The following FKBP15 variants were observed in gnomAD, a reference collection of about 807,000 sequenced individuals.
The protein encoded by FKBP15 is FKBP prolyl isomerase family member 15.
Under a neutral mutation model 158.1 loss-of-function variants are expected in FKBP15, and 106 were observed. That is an observed-to-expected ratio of 0.67 (90% CI 0.57 to 0.79). The LOEUF (loss-of-function observed/expected upper bound fraction) is 0.79. Among genes scored for constraint, FKBP15 ranks in the 30% least tolerant of loss-of-function variants. The pLI is 0.00. For missense variants in FKBP15, 1,287 were observed against 1,479.1 expected (o/e 0.87, Z 2.13); for synonymous variants, 547 against 548.6 (o/e 1.00, Z 0.04).
Position 113,188,369 on chromosome 9 carries a change from G to A in FKBP15, c.1276+20C>T, listed in dbSNP as rs1329057556. ...TGCTGACCCAGTTCAAGGCCACAGA[G>A]CCTCAGAGAGGTTCCTTACCCTGTG... On this transcript the variant is annotated intron_variant, in intron 13 of 27. Transcript: ENST00000238256. 6.4e-7 allele frequency: 1 copy of A among 1,570,948 alleles called. No individual in the cohort carries two copies. Among genetic ancestry groups the A allele is most frequent in the Non-Finnish European group, 8.8e-7 (1 of 1,141,020 alleles).
Position 113,161,649 on chromosome 9 carries a change from G to C in FKBP15, c.*4429C>G, listed in dbSNP as rs535328790. On this transcript the variant is annotated 3_prime_UTR_variant, in exon 28 of 28. Coordinates refer to ENST00000238256, the MANE Select transcript of FKBP15 (RefSeq NM_015258.2). ...CCAGCAGACCATCGCAGAGACAGAC[G>C]GGGACTCTGCAGGCTCAGATTCATT... The C allele has an allele frequency of 3.7e-6, 6 of 1,613,842 alleles. No homozygotes were observed. The highest frequency in any genetic ancestry group is 5.1e-6 in the Non-Finnish European group (6 of 1,179,894).
In FKBP15 at chr9:113,184,439, A is replaced by C; in HGVS notation, c.1609-40T>G. On this transcript the variant is annotated intron_variant, in intron 16 of 27. Transcript: ENST00000238256. The surrounding 1 kb of genome is among the most constrained non-coding windows in gnomAD (Gnocchi z 4.5). ...CCAGAAAGACCTTGTGAGAAATTAT[A>C]AAATGAAGAAATACAATTTACCCAA... 6.9e-7 allele frequency: 1 copy of C among 1,442,612 alleles called. No homozygotes were observed. Among genetic ancestry groups the C allele is most frequent in the Non-Finnish European group, 9.6e-7 (1 of 1,044,432 alleles). The allele number at this position is 1,442,612 out of a possible 1,614,324, so 89.4% of individuals were successfully genotyped here. A position where few individuals can be genotyped will look rare whatever the true frequency, so the allele number is the denominator to read the frequency against.
chr9:113,171,854 TTA>T, intron 23 of FKBP15, 148 bp from the exon 24 acceptor site: 4 of 703,366 alleles, frequency 5.7e-6, no homozygotes, highest in South Asian at 3.0e-5. Context: ...TTCTTTTTTT[TTA>T]TTATTATTAT....
rs938546370 is a variant in FKBP15, at chr9:113,184,968, G to A, written c.1499-164C>T. 7.9e-5 allele frequency among the ~76,000 whole-genome samples: 12 copies of A among 152,238 alleles called. No individual in the cohort carries two copies. The highest frequency in any genetic ancestry group is 2.7e-4 in the African/African-American group (11 of 41,466). ...GTCAGGAGAAGATATATGGGAGAGAGTAGAGGCAAAAGGGCTTCAAAGTAA... is the reference window on the plus strand; with the variant it reads ...GTCAGGAGAAGATATATGGGAGAGAATAGAGGCAAAAGGGCTTCAAAGTAA... On this transcript the variant is annotated intron_variant, in intron 15 of 27. Transcript: ENST00000238256. The surrounding 1 kb of genome is among the most constrained non-coding windows in gnomAD (Gnocchi z 4.5).
At chr9:113,181,199 C>T (rs116539529) in intron 19 of FKBP15, among the ~76,000 whole-genome samples, 2,325 of 152,280 alleles carry the variant, frequency 0.015, 69 homozygotes, top group African/African-American at 0.054. Context: ...ATTACTTCTA[C>T]TGTTTTGCTA....
chr9:113,198,845 A>T lies in FKBP15; in HGVS notation c.717+10T>A, dbSNP rs1228862827. 6.3e-7 allele frequency: 1 copy of T among 1,591,716 alleles called. No individual in the cohort carries two copies. The highest frequency in any genetic ancestry group is 8.6e-7 in the Non-Finnish European group (1 of 1,166,136). On this transcript the variant is annotated intron_variant, in intron 8 of 27. Transcript: ENST00000238256. This position sits in a 1 kb window ranked among gnomAD's most constrained non-coding sequence, Gnocchi z 5.2. ...GATAAAACCATAAAAAAACACAGTTAAGCCTTTACCTTGATGACTTTTCCT... is the reference window on the plus strand; with the variant it reads ...GATAAAACCATAAAAAAACACAGTTTAGCCTTTACCTTGATGACTTTTCCT...
chr9:113,195,442 A>T (rs1184046836), intron 9 of FKBP15, among the ~76,000 whole-genome samples: 1 of 152,198 alleles, frequency 6.6e-6, no homozygotes, highest in African/African-American at 2.4e-5. Flanking sequence ...ACCAGCCATG[A>T]TTTCTTCAAA....
Position 113,161,732 on chromosome 9 carries a change from C to A in FKBP15, c.*4346G>T. The A allele has an allele frequency of 6.2e-7, 1 of 1,605,006 alleles. No homozygotes were observed. The highest frequency in any genetic ancestry group is 8.5e-7 in the Non-Finnish European group (1 of 1,172,714). On this transcript the variant is annotated 3_prime_UTR_variant, in exon 28 of 28. Coordinates refer to ENST00000238256, the MANE Select transcript of FKBP15 (RefSeq NM_015258.2). ...AGTGGGTATGGGAAAGGGGCAGAAG[C>A]CTCACATTCACCCTGAGAGACAGGC...
At chr9:113,185,061 C>T (rs774237679) in intron 15 of FKBP15, among the ~76,000 whole-genome samples, 1 of 152,210 alleles carries the variant, frequency 6.6e-6, no homozygotes, top group Non-Finnish European at 1.5e-5. Flanking sequence ...CACAAATATG[C>T]CCACTTTGCA....
chr9:113,169,079 G>A (rs891116946), intron 26 of FKBP15, 145 bp downstream of exon 26: 5 of 1,149,168 alleles, frequency 4.4e-6, no homozygotes, highest in South Asian at 1.7e-5. Flanking sequence ...GTACATGGTA[G>A]GTGTTGTTGA....
intron 9 of FKBP15, among the ~76,000 whole-genome samples, chr9:113,194,972 C>G (rs1228598987): frequency 1.3e-5 from 2 of 152,288 alleles, no homozygotes; most frequent in Non-Finnish European, 2.9e-5. Context: ...TGTATATAAT[C>G]TTAAATATTT....
At chr9:113,179,885 C>A (rs1830362899) in intron 19 of FKBP15, among the ~76,000 whole-genome samples, 1 of 152,100 alleles carries the variant, frequency 6.6e-6, no homozygotes, top group Non-Finnish European at 1.5e-5. Flanking sequence ...TATTCAGTAG[C>A]CTTAGGTTTT....
chr9:113,166,355 T>G (rs1830099042), intron 27 of FKBP15, among the ~76,000 whole-genome samples, 200 bp from the exon 28 acceptor site: 1 of 152,208 alleles, frequency 6.6e-6, no homozygotes, highest in Admixed American at 6.5e-5. Context: ...GAGGCAGTCT[T>G]TCAACAGAGA....
rs753225138 is a variant in FKBP15 at position 113,202,544 on chromosome 9, T to G, written c.485A>C (p.Glu162Ala). 6.3e-7 allele frequency: 1 copy of G among 1,578,794 alleles called. No homozygotes were observed. ...IMFESEKAAV[E>A]FNKQVCIAKC... ...AGATGTTATCACCTGCTTATTGAAC[T>G]CCACAGCAGCCTTTTCCGACTCAAA... Residue 162 changes from glutamate (E) to alanine (A), a missense_variant, in exon 6 of 28, where the codon GAG (glutamate) becomes GCG (alanine). Physicochemically the swap from Glu to Ala is moderately radical, Grantham distance 107. Coordinates refer to ENST00000238256, the MANE Select transcript of FKBP15 (RefSeq NM_015258.2).
At chr9:113,206,708 T>TA in intron 3 of FKBP15, 130 bp from the exon 4 acceptor site, 2 of 534,320 alleles carry the variant, frequency 3.7e-6, no homozygotes, top group Non-Finnish European at 6.3e-6. Flanking sequence ...GTGAGCGGTT[T>TA]AAAATTTTTT....
At chr9:113,183,951 G>C in intron 17 of FKBP15, 106 bp from the exon 18 acceptor site, 1 of 795,528 alleles carries the variant, frequency 1.3e-6, no homozygotes, top group Non-Finnish European at 2.1e-6. Flanking sequence ...CATGTTTTGA[G>C]ACAAAACACT....
At chr9:113,195,249 T>C (rs995152870) in intron 9 of FKBP15, among the ~76,000 whole-genome samples, 2 of 152,186 alleles carry the variant, frequency 1.3e-5, no homozygotes, top group Non-Finnish European at 2.9e-5. Flanking sequence ...AGTGAACTAG[T>C]TTATACACCA....
intron 2 of FKBP15, among the ~76,000 whole-genome samples, chr9:113,208,890 C>T (rs555236312): frequency 6.6e-6 from 1 of 151,124 alleles, no homozygotes; most frequent in African/African-American, 2.4e-5. Flanking sequence ...CCTGGAGTCC[C>T]AGGTACTTGG....
At chr9:113,168,995 C>T (rs1206940361) in intron 26 of FKBP15, among the ~76,000 whole-genome samples, 1 of 149,150 alleles carries the variant, frequency 6.7e-6, no homozygotes, top group East Asian at 1.9e-4. Flanking sequence ...CCACAGTGCC[C>T]GCCACACTAC....
Sources: allele counts gnomAD v4.1 joint callset (sites outside exome capture counted in the v4.1 genomes callset), GRCh38; gene constraint gnomAD v4.1.1; non-coding constraint Gnocchi (gnomAD v3.1); transcripts MANE v1.5; gene names NCBI Gene and HGNC (gene_info 2026-07-23, HGNC 2026-07-21).